Variants in TMEM184C observed in about 807,000 individuals in gnomAD.
TMEM184C encodes transmembrane protein 184C.
TMEM184C carries 25 observed loss-of-function variants against 54.5 expected under a neutral mutation model. The ratio of observed to expected loss-of-function variants is 0.46; its 90% CI spans 0.33 to 0.64. The LOEUF is 0.64. Ranked by LOEUF, TMEM184C falls within the 30% of genes least tolerant of loss-of-function variation. TMEM184C has a pLI of 0.02. For missense variants in TMEM184C, 335 were observed against 520.3 expected, an observed-to-expected ratio of 0.64 and a Z score of 3.46; for synonymous variants, 148 against 181.5, an observed-to-expected ratio of 0.82 and a Z score of 1.49.
chr4:147,618,378 G>C (rs1333541782), intron 1 of TMEM184C, among the ~76,000 whole-genome samples: 1 of 152,132 alleles, frequency 6.6e-6, no homozygotes, highest in East Asian at 1.9e-4. Context: ...GCTGAAATCT[G>C]ATCTGTTCAG....
At chr4:147,619,480 C>G (rs934332997) in intron 1 of TMEM184C, among the ~76,000 whole-genome samples, 4 of 152,194 alleles carry the variant, frequency 2.6e-5, no homozygotes, top group Admixed American at 2.6e-4. Context: ...CAAGCATGAG[C>G]CACCGCACCC....
Position 147,633,814 on chromosome 4 carries a change from A to G in TMEM184C, c.929A>G (p.Tyr310Cys), listed in dbSNP as rs766823391. 24 of 1,612,968 alleles carry G rather than the reference A, an allele frequency of 1.5e-5. No individual in the cohort carries two copies. The highest frequency in any genetic ancestry group is 1.9e-5 in the Non-Finnish European group (23 of 1,179,680). The change falls in exon 9 of 10, where the codon TAC becomes TGC. Residue 310 changes from tyrosine to cysteine, a missense_variant. Coordinates refer to ENST00000296582, the MANE Select transcript of TMEM184C (RefSeq NM_018241.3). The part of the protein sequence containing the change: ...EMFLAAIAHH[Y>C]TFSYKPYVQE... ...TTCCTCGCTGCCATTGCTCATCATT[A>G]CACATTCTCATATAAACCATATGTC...
At chr4:147,625,142 A>G in intron 4 of TMEM184C, 133 bp downstream of exon 4, 1 of 792,348 alleles carries the variant, frequency 1.3e-6, no homozygotes, top group South Asian at 1.9e-5. Context: ...ACAGCTCCTG[A>G]TGCAGTTCAT....
intron 1 of TMEM184C, among the ~76,000 whole-genome samples, chr4:147,618,630 A>ATTTTT (rs1253427287): frequency 3.1e-4 from 47 of 152,196 alleles, no homozygotes; most frequent in Admixed American, 1.2e-3. Context: ...CCCCAAGGTA[A>ATTTTT]ATAACTCAGA....
chr4:147,632,875 T>C (rs1173560723), intron 7 of TMEM184C, 28 bp from the exon 8 acceptor site: 1 of 1,597,326 alleles, frequency 6.3e-7, no homozygotes, highest in South Asian at 1.1e-5. Context: ...TGATATAGAT[T>C]TGGCGTTTAC....
At chr4:147,622,311 C>G (rs1030104843) in intron 1 of TMEM184C, among the ~76,000 whole-genome samples, 2 of 152,146 alleles carry the variant, frequency 1.3e-5, no homozygotes, top group Non-Finnish European at 2.9e-5. Context: ...CTTAGATCAT[C>G]ACTGAAATTT....
intron 5 of TMEM184C, among the ~76,000 whole-genome samples, chr4:147,628,814 C>T (rs1181179068): frequency 6.6e-6 from 1 of 152,032 alleles, no homozygotes; most frequent in Non-Finnish European, 1.5e-5. Context: ...ATTAGAAGTA[C>T]TCTAAGAAAG....
At chr4:147,631,212 G>T (rs1298952273) in intron 6 of TMEM184C, among the ~76,000 whole-genome samples, 181 bp from the exon 7 acceptor site, 1 of 152,082 alleles carries the variant, frequency 6.6e-6, no homozygotes, top group Non-Finnish European at 1.5e-5. Flanking sequence ...GGAAGATGTT[G>T]TATGTAGTAT....
intron 1 of TMEM184C, among the ~76,000 whole-genome samples, chr4:147,619,396 C>G (rs1243768761): frequency 6.6e-6 from 1 of 151,968 alleles, no homozygotes; most frequent in East Asian, 1.9e-4. Flanking sequence ...CGGGGTTTCA[C>G]GGTGTTGGCC....
At chr4:147,620,764 T>G (rs985126164) in intron 1 of TMEM184C, among the ~76,000 whole-genome samples, 1 of 152,222 alleles carries the variant, frequency 6.6e-6, no homozygotes, top group African/African-American at 2.4e-5. Context: ...GTGGTGCTAG[T>G]TACTGAGATA....
At chr4:147,632,339 C>T (rs1274289445) in intron 7 of TMEM184C, among the ~76,000 whole-genome samples, 2 of 151,996 alleles carry the variant, frequency 1.3e-5, no homozygotes, top group African/African-American at 4.8e-5. Flanking sequence ...ACCTGTGTCA[C>T]ATATAAAACT....
In TMEM184C at chr4:147,623,846, A is replaced by G. The variant is rs1362580497; in HGVS notation, c.136A>G (p.Thr46Ala). ...TTTGTTTCTTAAGGTTGGAATACACACCAAGGCTTGGTTTATTGCTGGAAT... is the reference window on the plus strand; with the variant it reads ...TTTGTTTCTTAAGGTTGGAATACACGCCAAGGCTTGGTTTATTGCTGGAAT... ...ELQKLEVGIH[T>A]KAWFIAGIFL... is the part of the protein sequence containing the mutation. Residue 46 changes from threonine to alanine, a missense_variant, in exon 2 of 10, where the codon ACC becomes GCC. By Grantham distance (58) the Thr-to-Ala change is moderately conservative. Transcript: ENST00000296582. 58 of 1,613,828 alleles carry G rather than the reference A, an allele frequency of 3.6e-5. No homozygotes were observed. Among genetic ancestry groups the G allele is most frequent in the Non-Finnish European group, 4.8e-5 (57 of 1,179,924 alleles).
intron 5 of TMEM184C, among the ~76,000 whole-genome samples, chr4:147,629,215 A>G (rs1732866334): frequency 6.6e-6 from 1 of 152,106 alleles, no homozygotes; most frequent in Admixed American, 6.5e-5. Flanking sequence ...ATTAACAACT[A>G]CAGTTATATA....
chr4:147,618,869 TTTTG>T (rs953395989), intron 1 of TMEM184C, among the ~76,000 whole-genome samples: 6 of 152,288 alleles, frequency 3.9e-5, no homozygotes, highest in African/African-American at 7.2e-5. Context: ...CCATATAGTT[TTTTG>T]TTTGTTTGTT....
rs778089142 is a variant in TMEM184C, at chr4:147,628,447, G to C, written c.572+12G>C. On this transcript the variant is annotated intron_variant, in intron 5 of 9. Coordinates refer to ENST00000296582, the MANE Select transcript of TMEM184C (RefSeq NM_018241.3). ...ACCATCGTTGCTTTGTAAGTACTCG[G>C]ATTTTATATGAACTTTTTTTTTCAT... is the stretch of plus-strand genomic sequence containing the variant. 6.2e-7 allele frequency: 1 copy of C among 1,610,384 alleles called. No homozygotes were observed. Among genetic ancestry groups the C allele is most frequent in the Non-Finnish European group, 8.5e-7 (1 of 1,177,846 alleles).
Position 147,628,955 on chromosome 4 carries a change from C to T in TMEM184C, c.572+520C>T, listed in dbSNP as rs1732862479. Among the ~76,000 whole-genome samples, 5 of 152,152 alleles carry T rather than the reference C, an allele frequency of 3.3e-5. No homozygotes were observed. The South Asian group carries it at 1.0e-3, about 32-fold the overall frequency. On this transcript the variant is annotated intron_variant, in intron 5 of 9. Transcript: ENST00000296582. ...CAAATACTTTAATGCCAATAGATTA[C>T]ATGTTTTATCTCCTAGTTGTTACTA... is the stretch of plus-strand genomic sequence containing the variant.
At chr4:147,622,318 A>C (rs1732725498) in intron 1 of TMEM184C, among the ~76,000 whole-genome samples, 1 of 152,056 alleles carries the variant, frequency 6.6e-6, no homozygotes, top group African/African-American at 2.4e-5. Context: ...CATCACTGAA[A>C]TTTCACTTCC....
intron 8 of TMEM184C, 93 bp downstream of exon 8, chr4:147,633,095 G>C (rs1446087556): frequency 1.9e-6 from 2 of 1,039,460 alleles, no homozygotes; most frequent in Admixed American, 4.3e-5. Flanking sequence ...ACAGGGTATG[G>C]GGCTATTATC....
chr4:147,620,544 G>A (rs1014202330), intron 1 of TMEM184C, among the ~76,000 whole-genome samples: 1 of 152,190 alleles, frequency 6.6e-6, no homozygotes, highest in South Asian at 2.1e-4. Context: ...GCTCTTTATG[G>A]TAGTGAGAGG....
Sources: allele counts gnomAD v4.1 joint callset (sites outside exome capture counted in the v4.1 genomes callset), GRCh38; gene constraint gnomAD v4.1.1; transcripts MANE v1.5; gene names NCBI Gene and HGNC (gene_info 2026-07-23, HGNC 2026-07-21).